Variants in ZNF536 observed in about 807,000 individuals in gnomAD.
ZNF536 encodes zinc finger protein 536.
A neutral mutation model predicts 84.5 loss-of-function variants in ZNF536; 13 were observed. That is an observed-to-expected ratio of 0.15 (90% CI 0.10 to 0.24). ZNF536 has a LOEUF of 0.24. Ranked by LOEUF, ZNF536 falls within the 10% of genes least tolerant of loss-of-function variation. The probability of loss-of-function intolerance (pLI) is 1.00; values close to 1 mark genes in which losing one functional copy is unlikely to be tolerated. For missense variants in ZNF536, 1,536 were observed against 1,747.5 expected, an observed-to-expected ratio of 0.88 and a Z score of 2.16; for synonymous variants, 811 against 742.5, an observed-to-expected ratio of 1.09 and a Z score of -1.50.
intron 2 of ZNF536, among the ~76,000 whole-genome samples, chr19:30,459,452 G>A (rs1600827725): frequency 6.7e-6 from 1 of 150,360 alleles, no homozygotes; most frequent in Non-Finnish European, 1.5e-5. Context: ...CCCGGTTCAA[G>A]TGATTCTCCC....
At chr19:30,519,327 G>A (rs944109720) in intron 2 of ZNF536, among the ~76,000 whole-genome samples, 1 of 152,228 alleles carries the variant, frequency 6.6e-6, no homozygotes, top group African/African-American at 2.4e-5. Context: ...GAAGGGCCCT[G>A]TGGCAGGAGG....
chr19:30,671,158 G>A (rs1283782802), intron 1 of ZNF536, among the ~76,000 whole-genome samples: 1 of 152,240 alleles, frequency 6.6e-6, no homozygotes, highest in South Asian at 2.1e-4. Flanking sequence ...CATGGTGCAG[G>A]CCCACAGGTA....
intron 2 of ZNF536, among the ~76,000 whole-genome samples, chr19:30,502,834 A>G: frequency 6.6e-6 from 1 of 152,134 alleles, no homozygotes; most frequent in East Asian, 1.9e-4. Flanking sequence ...CCCCTGTCCC[A>G]TTTAAAGTTG....
chr19:30,585,793 C>A (rs2047075529), intron 1 of ZNF536, among the ~76,000 whole-genome samples: 1 of 152,158 alleles, frequency 6.6e-6, no homozygotes, highest in East Asian at 1.9e-4. Context: ...CTGTGTCAAG[C>A]CTCACGTCCC....
At chr19:30,667,551 G>T (rs1434239991) in intron 1 of ZNF536, among the ~76,000 whole-genome samples, 1 of 151,958 alleles carries the variant, frequency 6.6e-6, no homozygotes, top group Non-Finnish European at 1.5e-5. Context: ...CTGGATCAAG[G>T]TTAATTGAAG....
At chr19:30,494,952 GAA>G (rs35362561) in intron 2 of ZNF536, among the ~76,000 whole-genome samples, 11 of 89,180 alleles carry the variant, frequency 1.2e-4, no homozygotes, top group East Asian at 3.0e-4. Flanking sequence ...TCTCAAAAAA[GAA>G]AAAAAAAAAA....
chr19:30,456,308 C>CTTTTTTT (rs11301441), intron 2 of ZNF536, among the ~76,000 whole-genome samples: 53 of 108,080 alleles, frequency 4.9e-4, no homozygotes, highest in African/African-American at 9.6e-4. Flanking sequence ...TGTTTCTTTT[C>CTTTTTTT]TTTTTTTTTT....
At chr19:30,659,108 GTAT>G (rs761194893) in intron 1 of ZNF536, among the ~76,000 whole-genome samples, 1 of 152,032 alleles carries the variant, frequency 6.6e-6, no homozygotes, top group Non-Finnish European at 1.5e-5. Context: ...GTGATGCAGT[GTAT>G]TAGTCCATTC....
chr19:30,585,883 C>T (rs2047077777), intron 1 of ZNF536, among the ~76,000 whole-genome samples: 4 of 152,140 alleles, frequency 2.6e-5, no homozygotes, highest in Admixed American at 2.6e-4. Flanking sequence ...TTGTCTGTAC[C>T]ACATAACTTG....
At chr19:30,409,461 G>A (rs948753037) in intron 1 of ZNF536, among the ~76,000 whole-genome samples, 3 of 152,126 alleles carry the variant, frequency 2.0e-5, no homozygotes, top group Non-Finnish European at 4.4e-5. Flanking sequence ...CCTGCTCCCA[G>A]CTTCCTTGGC....
At chr19:30,472,712 A>G (rs2053687479) in intron 2 of ZNF536, among the ~76,000 whole-genome samples, 1 of 152,182 alleles carries the variant, frequency 6.6e-6, no homozygotes. Flanking sequence ...ATCATCACGA[A>G]TATATCTTTC....
At chr19:30,536,306 C>A (rs2045077569) in intron 3 of ZNF536, among the ~76,000 whole-genome samples, 1 of 152,146 alleles carries the variant, frequency 6.6e-6, no homozygotes. Flanking sequence ...CTGGAATCTT[C>A]CTCCAGGTGG....
chr19:30,540,885 T>C (rs2045301649), intron 3 of ZNF536, among the ~76,000 whole-genome samples: 1 of 152,226 alleles, frequency 6.6e-6, no homozygotes, highest in Non-Finnish European at 1.5e-5. Context: ...GCACCCCAGC[T>C]CCTCCTTGAC....
chr19:30,520,011 C>T (rs1275718395), intron 2 of ZNF536, among the ~76,000 whole-genome samples: 1 of 152,226 alleles, frequency 6.6e-6, no homozygotes, highest in Non-Finnish European at 1.5e-5. Flanking sequence ...GAGCTGAACC[C>T]TCAAACATGA....
intron 1 of ZNF536, among the ~76,000 whole-genome samples, chr19:30,577,109 C>G (rs950052753): frequency 1.3e-5 from 2 of 152,178 alleles, no homozygotes; most frequent in African/African-American, 2.4e-5. Flanking sequence ...AACTCTTCAA[C>G]GATTATTTAT....
intron 1 of ZNF536, among the ~76,000 whole-genome samples, chr19:30,682,241 C>T (rs563821291): frequency 3.0e-4 from 45 of 152,260 alleles, no homozygotes; most frequent in Admixed American, 5.9e-4. Context: ...GGTTTGCATA[C>T]AGCCTGTCCT....
At chr19:30,263,792 A>T (rs1170011197) in intron 1 of ZNF536, among the ~76,000 whole-genome samples, 2 of 151,978 alleles carry the variant, frequency 1.3e-5, no homozygotes, top group Non-Finnish European at 2.9e-5. Context: ...TCTAGGTTAA[A>T]AGCTTTTCCC....
chr19:30,246,373 C>T (rs563891435), intron 1 of ZNF536, among the ~76,000 whole-genome samples: 7 of 152,136 alleles, frequency 4.6e-5, no homozygotes, highest in Non-Finnish European at 1.0e-4. Context: ...AAAGAAGTCT[C>T]GATTTTCTCC....
At chr19:30,402,980 A>G (rs6510157) in intron 1 of ZNF536, among the ~76,000 whole-genome samples, 151,260 of 151,704 alleles carry the variant, frequency 1, 75,411 homozygotes, top group East Asian at 1. Flanking sequence ...CCCTGGAGTC[A>G]AGGAATAAAT....
Sources: gnomAD v4.1 joint callset for allele counts (sites outside exome capture counted in the v4.1 genomes callset) on GRCh38, gnomAD v4.1.1 for gene constraint, MANE v1.5 for transcripts, NCBI Gene and HGNC (gene_info 2026-07-23, HGNC 2026-07-21) for gene names.